Variants in ZNF654 observed in about 807,000 individuals in gnomAD.
ZNF654 encodes the protein zinc finger protein 654, also known as melanoma-associated antigen.
ZNF654 carries 19 observed loss-of-function variants against 95.3 expected under a neutral mutation model. The ratio of observed to expected loss-of-function variants is 0.20; its 90% CI spans 0.14 to 0.29. The LOEUF (loss-of-function observed/expected upper bound fraction) is 0.29. ZNF654 is among the 10% of genes least tolerant of loss of function. ZNF654 has a pLI of 1.00. For missense variants in ZNF654, 1,046 were observed against 1,341.0 expected, an observed-to-expected ratio of 0.78 and a Z score of 3.44; for synonymous variants, 413 against 457.9, an observed-to-expected ratio of 0.90 and a Z score of 1.25.
intron 3 of ZNF654, among the ~76,000 whole-genome samples, chr3:88,120,945 A>G (rs751867126): frequency 6.6e-6 from 1 of 151,980 alleles, no homozygotes; most frequent in Non-Finnish European, 1.5e-5. Flanking sequence ...TTTGATAGAA[A>G]ATTTTCTTGT....
intron 1 of ZNF654, among the ~76,000 whole-genome samples, chr3:88,062,230 C>CTT (rs1706926482): frequency 6.6e-6 from 1 of 152,174 alleles, no homozygotes; most frequent in Admixed American, 6.5e-5. Flanking sequence ...CCTACTAACT[C>CTT]TTAAGCTTCA....
chr3:88,100,562 A>G (rs9832011), intron 2 of ZNF654, among the ~76,000 whole-genome samples: 107,480 of 152,096 alleles, frequency 0.71, 41,699 homozygotes, highest in South Asian at 0.91. Context: ...AACCAACTCA[A>G]ATGTCCATCA....
intron 7 of ZNF654, among the ~76,000 whole-genome samples, chr3:88,136,936 A>G (rs1013860470): frequency 3.9e-5 from 6 of 152,066 alleles, no homozygotes; most frequent in Non-Finnish European, 8.8e-5. Context: ...GGCTTACACC[A>G]GTAATCCCAG....
Position 88,138,636 on chromosome 3 carries a change from T to C in ZNF654, c.1036-69T>C, listed in dbSNP as rs1165656472. ...CTTTCATTTTAAGAGTTGTGTTTTTTAAAGATAGACTAGTATAACCATTTT... is the reference window on the plus strand; with the variant it reads ...CTTTCATTTTAAGAGTTGTGTTTTTCAAAGATAGACTAGTATAACCATTTT... On this transcript the variant is annotated intron_variant, in intron 7 of 8. Transcript: ENST00000636215. 5 of 952,970 alleles carry C rather than the reference T, an allele frequency of 5.2e-6. No individual in the cohort carries two copies. The Admixed American group carries it at 1.7e-4, about 33-fold the overall frequency. 59.0% of individuals were successfully genotyped at this position (952,970 alleles called of 1,614,324 possible).
rs73844844 is a variant in ZNF654 at position 88,060,598 on chromosome 3, C to A, written c.186+1093C>A. Among the ~76,000 whole-genome samples, 463 of 152,214 alleles carry A rather than the reference C, an allele frequency of 3.0e-3. 3 individuals are homozygous for A. The highest frequency in any genetic ancestry group is 0.011 in the African/African-American group (445 of 41,540). ...TCCTGGCAGAAATTATTACCTTGGA[C>A]AAGTTACTCTGTGTCTCAGTTTCCC... is the stretch of plus-strand genomic sequence containing the variant. On this transcript the variant is annotated intron_variant, in intron 1 of 8. Transcript: ENST00000636215.
chr3:88,139,234 G>C lies in ZNF654; in HGVS notation c.1565G>C (p.Gly522Ala). ...PDDVSGVQPKGHINTKKNLTA... is the reference protein window; with the variant it reads ...PDDVSGVQPKAHINTKKNLTA... ...GATGTATCTGGAGTGCAGCCTAAAG[G>C]TCATATTAATACGAAGAAAAATCTT... The change falls in exon 8 of 9, where the codon GGT becomes GCT. Residue 522 changes from glycine to alanine, a missense_variant. Coordinates refer to ENST00000636215, the MANE Select transcript of ZNF654 (RefSeq NM_001350134.2). 1 of 1,504,150 alleles carries C rather than the reference G, an allele frequency of 6.6e-7. No individual in the cohort carries two copies. Among genetic ancestry groups the C allele is most frequent in the Non-Finnish European group, 8.8e-7 (1 of 1,131,144 alleles). 93.2% of individuals were successfully genotyped at this position (1,504,150 alleles called of 1,614,324 possible). A position where few individuals can be genotyped will look rare whatever the true frequency, so the allele number is the denominator to read the frequency against.
chr3:88,103,679 G>A (rs1167522646), intron 2 of ZNF654, among the ~76,000 whole-genome samples: 1 of 151,756 alleles, frequency 6.6e-6, no homozygotes, highest in African/African-American at 2.4e-5. Flanking sequence ...AAGATAATGT[G>A]TAGCGGACAT....
chr3:88,102,441 T>G (rs1704481754), intron 2 of ZNF654, among the ~76,000 whole-genome samples: 1 of 152,236 alleles, frequency 6.6e-6, no homozygotes, highest in Admixed American at 6.5e-5. Flanking sequence ...AAATTTGCTG[T>G]TAATCCCATA....
intron 1 of ZNF654, among the ~76,000 whole-genome samples, chr3:88,067,162 C>A (rs532317705): frequency 6.6e-6 from 1 of 152,292 alleles, no homozygotes; most frequent in Non-Finnish European, 1.5e-5. Context: ...GGTAAGCAAA[C>A]AGACATTGCC....
intron 1 of ZNF654, among the ~76,000 whole-genome samples, chr3:88,061,840 A>G (rs929670555): frequency 2.6e-4 from 40 of 152,182 alleles, no homozygotes; most frequent in Admixed American, 1.0e-3. Flanking sequence ...GAGTAATGCA[A>G]TGGATATTGT....
intron 2 of ZNF654, among the ~76,000 whole-genome samples, chr3:88,088,221 T>C (rs530743426): frequency 1.3e-5 from 2 of 152,284 alleles, no homozygotes; most frequent in South Asian, 4.1e-4. Flanking sequence ...GTCAAGAAAC[T>C]CCAGACTCAT....
In ZNF654 at chr3:88,082,319, G is replaced by T. The variant is rs554175738; in HGVS notation, c.187-3938G>T. Reference sequence around the variant, plus strand: ...TTTTTATATTTTTAGTAGTGACAGGGTTTCACCATGTTGGCTAGGATGGTC... The same window carrying T: ...TTTTTATATTTTTAGTAGTGACAGGTTTTCACCATGTTGGCTAGGATGGTC... On this transcript the variant is annotated intron_variant, in intron 1 of 8. Coordinates refer to ENST00000636215, the MANE Select transcript of ZNF654 (RefSeq NM_001350134.2). Among the ~76,000 whole-genome samples the T allele has an allele frequency of 5.3e-5, 8 of 152,238 alleles. No individual in the cohort carries two copies. The South Asian group carries it at 1.5e-3, about 28-fold the overall frequency.
chr3:88,130,013 A>T (rs1180856898), intron 6 of ZNF654, among the ~76,000 whole-genome samples, 187 bp downstream of exon 6: 4 of 152,242 alleles, frequency 2.6e-5, no homozygotes, highest in Non-Finnish European at 4.4e-5. Context: ...ATGTGCCACT[A>T]AACTGATAGT....
At chr3:88,132,238 A>G (rs905631794) in intron 6 of ZNF654, among the ~76,000 whole-genome samples, 2 of 150,848 alleles carry the variant, frequency 1.3e-5, no homozygotes, top group African/African-American at 4.9e-5. Context: ...GTCAAGTTTG[A>G]AAAAAAAAAT....
intron 1 of ZNF654, among the ~76,000 whole-genome samples, chr3:88,067,798 A>G (rs1435478773): frequency 6.6e-6 from 1 of 152,156 alleles, no homozygotes; most frequent in African/African-American, 2.4e-5. Context: ...AGGAATAGAC[A>G]GTAAGTACAA....
At chr3:88,099,892 A>G (rs1704303440) in intron 2 of ZNF654, among the ~76,000 whole-genome samples, 1 of 152,234 alleles carries the variant, frequency 6.6e-6, no homozygotes, top group Admixed American at 6.5e-5. Flanking sequence ...CGTAGGCAAT[A>G]CCATTGAGGA....
chr3:88,138,659 T>G, intron 7 of ZNF654, 46 bp from the exon 8 acceptor site: 8 of 1,173,226 alleles, frequency 6.8e-6, no homozygotes, highest in African/African-American at 1.6e-5. Flanking sequence ...GTATAACCAT[T>G]TTTTTGGAAA....
In ZNF654 at chr3:88,143,934, C is replaced by T. The variant is rs1707242459; in HGVS notation, c.*2282C>T. On this transcript the variant is annotated 3_prime_UTR_variant, in exon 9 of 9. Coordinates refer to ENST00000636215, the MANE Select transcript of ZNF654 (RefSeq NM_001350134.2). ...ATTTTGCTTTTATAGGGTGCATAAA[C>T]TTCCAACAGTTCTAATTTGAGCGCT... is the stretch of plus-strand genomic sequence containing the variant. 2 of 152,078 alleles carry T rather than the reference C, an allele frequency of 1.3e-5. No individual in the cohort carries two copies. Among genetic ancestry groups the T allele is most frequent in the Non-Finnish European group, 3.0e-5 (2 of 67,796 alleles). The allele number at this position is 152,078 out of a possible 1,614,324, so 9.4% of individuals were successfully genotyped here.
intron 2 of ZNF654, among the ~76,000 whole-genome samples, chr3:88,109,495 C>T (rs1412695901): frequency 6.6e-6 from 1 of 151,984 alleles, no homozygotes; most frequent in Non-Finnish European, 1.5e-5. Context: ...TTTATTTGGA[C>T]AATTAAGTAT....
Sources: gnomAD v4.1 joint callset for allele counts (sites outside exome capture counted in the v4.1 genomes callset) on GRCh38, gnomAD v4.1.1 for gene constraint, MANE v1.5 for transcripts, NCBI Gene and HGNC (gene_info 2026-07-23, HGNC 2026-07-21) for gene names.